PRKG1: variants seen among roughly 807,000 people sequenced by gnomAD.
The protein encoded by PRKG1 is protein kinase cGMP-dependent 1.
In PRKG1, 35 loss-of-function variants were observed where a neutral mutation model predicts 88.1. That is an observed-to-expected ratio of 0.40 (90% CI 0.30 to 0.53). The LOEUF is 0.53. Ranked by LOEUF, PRKG1 falls within the 20% of genes least tolerant of loss-of-function variation. The pLI, the probability that PRKG1 is intolerant of heterozygous loss-of-function variation, is 0.59. For synonymous variants in PRKG1, 303 were observed against 292.5 expected (o/e 1.04, Z -0.37); for missense variants, 540 against 839.8 (o/e 0.64, Z 4.41).
At chr10:51,698,282 A>G (rs146369924) in intron 3 of PRKG1, 1 of 1,613,904 alleles carries the variant, frequency 6.2e-7, no homozygotes, top group Non-Finnish European at 8.5e-7. Flanking sequence ...CTCAGTTTCC[A>G]TGGCACGAGT....
At chr10:51,419,262 A>G (rs1282954185) in intron 2 of PRKG1, among the ~76,000 whole-genome samples, 3 of 152,174 alleles carry the variant, frequency 2.0e-5, no homozygotes, top group Admixed American at 2.0e-4. Flanking sequence ...GGTGCAGTAT[A>G]TCAGTGACAA....
chr10:51,329,932 T>A (rs1841688744), intron 2 of PRKG1, among the ~76,000 whole-genome samples: 1 of 145,476 alleles, frequency 6.9e-6, no homozygotes, highest in African/African-American at 2.5e-5. Context: ...AGGGAAATCT[T>A]TTTTTTTTTT....
At chr10:52,024,581 T>C (rs11000498) in intron 5 of PRKG1, among the ~76,000 whole-genome samples, 12,012 of 152,146 alleles carry the variant, frequency 0.079, 790 homozygotes, top group East Asian at 0.32. Context: ...CATGCAGTGT[T>C]TGGTTTTCTG....
chr10:52,131,902 CT>C (rs1167440324), intron 7 of PRKG1, among the ~76,000 whole-genome samples: 1 of 140,958 alleles, frequency 7.1e-6, no homozygotes, highest in Non-Finnish European at 1.5e-5. Context: ...GAGGATTGTG[CT>C]GGGAGTTAAC....
chr10:51,284,245 A>G (rs1282441684), intron 2 of PRKG1, among the ~76,000 whole-genome samples: 1 of 152,234 alleles, frequency 6.6e-6, no homozygotes, highest in Non-Finnish European at 1.5e-5. Flanking sequence ...AAGAAAAAAG[A>G]CATATTTGTG....
intron 5 of PRKG1, among the ~76,000 whole-genome samples, chr10:51,976,090 G>A (rs1843825558): frequency 6.6e-6 from 1 of 151,992 alleles, no homozygotes; most frequent in African/African-American, 2.4e-5. Flanking sequence ...GACTAGGTTG[G>A]CTATAATCAA....
chr10:51,347,639 G>A (rs1422216118), intron 2 of PRKG1, among the ~76,000 whole-genome samples: 1 of 151,964 alleles, frequency 6.6e-6, no homozygotes, highest in Non-Finnish European at 1.5e-5. Flanking sequence ...CCATGTCTCT[G>A]GGTCTAAAAT....
At chr10:51,721,665 T>C (rs1268793190) in intron 3 of PRKG1, among the ~76,000 whole-genome samples, 2 of 152,218 alleles carry the variant, frequency 1.3e-5, no homozygotes. Flanking sequence ...TTAATAAGCA[T>C]ATATTTTCTA....
intron 3 of PRKG1, among the ~76,000 whole-genome samples, chr10:51,735,293 G>T (rs1342523633): frequency 6.6e-6 from 1 of 152,132 alleles, no homozygotes; most frequent in Non-Finnish European, 1.5e-5. Flanking sequence ...CCTTGGTTTA[G>T]AACTGAAATC....
At chr10:51,179,066 AC>A (rs1279016205) in intron 2 of PRKG1, among the ~76,000 whole-genome samples, 1 of 152,238 alleles carries the variant, frequency 6.6e-6, no homozygotes, top group Non-Finnish European at 1.5e-5. Context: ...AGAAGCTTTC[AC>A]TACAGCTTCA....
chr10:51,948,926 A>G (rs1255549690), intron 5 of PRKG1, among the ~76,000 whole-genome samples: 1 of 152,228 alleles, frequency 6.6e-6, no homozygotes, highest in Admixed American at 6.5e-5. Context: ...CCAGAATAAT[A>G]TGAACTATTT....
At chr10:51,639,505 G>C (rs1160931792) in intron 3 of PRKG1, among the ~76,000 whole-genome samples, 1 of 136,426 alleles carries the variant, frequency 7.3e-6, no homozygotes, top group African/African-American at 2.8e-5. Context: ...AAAGACTGGA[G>C]TGAGATGGAA....
At chr10:51,793,828 C>T (rs1290636539) in intron 3 of PRKG1, among the ~76,000 whole-genome samples, 1 of 152,116 alleles carries the variant, frequency 6.6e-6, no homozygotes, top group Admixed American at 6.6e-5. Context: ...GTGGCATGAT[C>T]TCAGCTCACT....
intron 3 of PRKG1, among the ~76,000 whole-genome samples, chr10:51,704,026 T>C (rs916036896): frequency 2.6e-5 from 4 of 151,582 alleles, no homozygotes; most frequent in African/African-American, 9.7e-5. Flanking sequence ...ATGCTTCTAA[T>C]CTCAGCTATT....
At chr10:52,131,167 G>T (rs1475294573) in intron 7 of PRKG1, among the ~76,000 whole-genome samples, 1 of 152,114 alleles carries the variant, frequency 6.6e-6, no homozygotes, top group Non-Finnish European at 1.5e-5. Context: ...GGATGTCTGT[G>T]CCATAACTGC....
intron 5 of PRKG1, among the ~76,000 whole-genome samples, chr10:52,013,234 C>A (rs542124954): frequency 3.3e-5 from 5 of 151,966 alleles, no homozygotes; most frequent in Non-Finnish European, 5.9e-5. Context: ...CTGGCTAACA[C>A]GGTGAAACCC....
intron 3 of PRKG1, among the ~76,000 whole-genome samples, chr10:51,472,870 G>GA (rs2132825943): frequency 6.6e-6 from 1 of 152,028 alleles, no homozygotes; most frequent in East Asian, 1.9e-4. Flanking sequence ...GTAAGTTGAA[G>GA]AGAAGCATGT....
chr10:52,084,307 G>A (rs1303046404), intron 7 of PRKG1, among the ~76,000 whole-genome samples: 1 of 151,982 alleles, frequency 6.6e-6, no homozygotes, highest in East Asian at 1.9e-4. Context: ...CAAATGAGAT[G>A]AAAGTTTTTG....
At chr10:51,013,244 T>A (rs1047949376) in intron 1 of PRKG1, among the ~76,000 whole-genome samples, 10 of 152,168 alleles carry the variant, frequency 6.6e-5, no homozygotes, top group African/African-American at 2.4e-4. Context: ...TAAATGAGAT[T>A]ATAGGGAAAG....
Sources: gnomAD v4.1 joint callset for allele counts (sites outside exome capture counted in the v4.1 genomes callset) on GRCh38, gnomAD v4.1.1 for gene constraint, MANE v1.5 for transcripts, NCBI Gene and HGNC (gene_info 2026-07-23, HGNC 2026-07-21) for gene names.